OPCML: variants seen among roughly 807,000 people sequenced by gnomAD.
The protein encoded by OPCML is opioid-binding protein/cell adhesion molecule.
A neutral mutation model predicts 37.8 loss-of-function variants in OPCML; 13 were observed. The ratio of observed to expected loss-of-function variants is 0.34; its 90% CI spans 0.22 to 0.55. The LOEUF (loss-of-function observed/expected upper bound fraction) is 0.55, where lower values mean the gene tolerates loss of function less well. Among genes scored for constraint, OPCML ranks in the 20% least tolerant of loss-of-function variants. OPCML has a pLI of 0.91. For missense variants in OPCML, 341 were observed against 435.6 expected (o/e 0.78, Z 1.93); for synonymous variants, 176 against 168.8 (o/e 1.04, Z -0.33).
chr11:133,140,455 C>T (rs1019425264), intron 1 of OPCML, among the ~76,000 whole-genome samples: 17 of 147,492 alleles, frequency 1.2e-4, no homozygotes, highest in Admixed American at 4.8e-4. Flanking sequence ...GCAGAGGTTG[C>T]AGTGAGCCGA....
chr11:132,477,986 A>C (rs1339210023), intron 4 of OPCML, among the ~76,000 whole-genome samples: 1 of 152,206 alleles, frequency 6.6e-6, no homozygotes, highest in African/African-American at 2.4e-5. Flanking sequence ...TTGCTTATTC[A>C]TTTTTAAATA....
At chr11:132,805,332 G>C (rs1938937594) in intron 2 of OPCML, among the ~76,000 whole-genome samples, 1 of 151,850 alleles carries the variant, frequency 6.6e-6, no homozygotes, top group Non-Finnish European at 1.5e-5. Flanking sequence ...TTTACTTTTT[G>C]TGCAATTGGT....
intron 1 of OPCML, among the ~76,000 whole-genome samples, chr11:133,265,219 T>G (rs1184738744): frequency 6.6e-6 from 1 of 152,216 alleles, no homozygotes; most frequent in East Asian, 1.9e-4. Context: ...ATACTTGGAC[T>G]AACTTGGAGG....
chr11:132,481,507 G>C (rs564715717), intron 4 of OPCML, among the ~76,000 whole-genome samples: 8,844 of 140,478 alleles, frequency 0.063, 341 homozygotes, highest in Middle Eastern at 0.14. Flanking sequence ...TTAGACAGAT[G>C]AACGAGACAG....
At chr11:133,085,920 GTTTA>G (rs1948811948) in intron 1 of OPCML, among the ~76,000 whole-genome samples, 1 of 152,168 alleles carries the variant, frequency 6.6e-6, no homozygotes, top group South Asian at 2.1e-4. Context: ...TAGTTGAATT[GTTTA>G]ATTAACCTGT....
intron 1 of OPCML, among the ~76,000 whole-genome samples, chr11:133,465,424 T>C (rs1826441032): frequency 6.6e-6 from 1 of 152,162 alleles, no homozygotes; most frequent in South Asian, 2.1e-4. Flanking sequence ...TTTGGGGTGG[T>C]GGAATGGGCA....
chr11:133,367,412 A>T (rs1199469678), intron 1 of OPCML, among the ~76,000 whole-genome samples: 1 of 151,972 alleles, frequency 6.6e-6, no homozygotes, highest in Non-Finnish European at 1.5e-5. Context: ...TTCTTCAATG[A>T]CTCCACTGTG....
chr11:133,242,570 C>T (rs1201799896), intron 1 of OPCML, among the ~76,000 whole-genome samples: 1 of 152,178 alleles, frequency 6.6e-6, no homozygotes, highest in East Asian at 1.9e-4. Context: ...CCTGGTGCCT[C>T]TCCTTGCCCT....
At chr11:132,930,897 T>C (rs571433680) in intron 2 of OPCML, among the ~76,000 whole-genome samples, 6 of 152,324 alleles carry the variant, frequency 3.9e-5, no homozygotes, top group African/African-American at 1.4e-4. Context: ...GGTCTGGAAC[T>C]TCCTGGCTTC....
At chr11:133,263,808 T>G (rs1941565170) in intron 1 of OPCML, among the ~76,000 whole-genome samples, 1 of 152,184 alleles carries the variant, frequency 6.6e-6, no homozygotes, top group South Asian at 2.1e-4. Context: ...AATAACGGCA[T>G]ACTTCTTTTC....
At chr11:133,194,465 C>T (rs536568021) in intron 1 of OPCML, among the ~76,000 whole-genome samples, 18 of 152,276 alleles carry the variant, frequency 1.2e-4, no homozygotes, top group Admixed American at 2.0e-4. Flanking sequence ...CCACCTTGGC[C>T]TCCCAAAGTG....
chr11:133,485,623 C>A (rs1947509993), intron 1 of OPCML, among the ~76,000 whole-genome samples: 2 of 152,208 alleles, frequency 1.3e-5, no homozygotes, highest in African/African-American at 4.8e-5. Context: ...CACATCAGAG[C>A]TTGCAGCAAA....
intron 2 of OPCML, among the ~76,000 whole-genome samples, chr11:132,822,206 G>T: frequency 6.6e-6 from 1 of 152,074 alleles, no homozygotes; most frequent in Non-Finnish European, 1.5e-5. Context: ...GTGGAAGATG[G>T]AGAGAGCCTG....
intron 4 of OPCML, among the ~76,000 whole-genome samples, chr11:132,461,062 T>C (rs895295048): frequency 6.6e-6 from 1 of 152,110 alleles, no homozygotes; most frequent in Non-Finnish European, 1.5e-5. Context: ...GGATACTGAG[T>C]GAACCCAAGG....
At chr11:133,007,581 A>T (rs894110222) in intron 1 of OPCML, 1 of 985,364 alleles carries the variant, frequency 1.0e-6, no homozygotes, top group Admixed American at 6.1e-5. Flanking sequence ...GTAAAACTTA[A>T]AACTCTAGAA....
At chr11:133,019,395 G>A (rs894576030) in intron 1 of OPCML, among the ~76,000 whole-genome samples, 1 of 152,190 alleles carries the variant, frequency 6.6e-6, no homozygotes, top group Admixed American at 6.5e-5. Flanking sequence ...CCAGTGAGCA[G>A]AGAGAAGTGA....
intron 1 of OPCML, chr11:133,008,036 A>G (rs920121107): frequency 2.0e-6 from 2 of 985,300 alleles, no homozygotes; most frequent in Non-Finnish European, 2.4e-6. Flanking sequence ...GAGCTGTCTC[A>G]TTGTTGAGAT....
intron 1 of OPCML, among the ~76,000 whole-genome samples, chr11:133,201,733 T>G (rs551996898): frequency 6.6e-6 from 1 of 152,288 alleles, no homozygotes; most frequent in African/African-American, 2.4e-5. Context: ...CTTGGAGGAC[T>G]TTGTTCTCAT....
At chr11:132,801,876 T>G (rs548302861) in intron 2 of OPCML, among the ~76,000 whole-genome samples, 2 of 152,324 alleles carry the variant, frequency 1.3e-5, no homozygotes, top group Non-Finnish European at 1.5e-5. Context: ...AATTACATTT[T>G]GAATTAAATC....
Sources: gnomAD v4.1 joint callset for allele counts (sites outside exome capture counted in the v4.1 genomes callset) on GRCh38, gnomAD v4.1.1 for gene constraint, MANE v1.5 for transcripts, NCBI Gene and HGNC (gene_info 2026-07-23, HGNC 2026-07-21) for gene names.